SFMBT2: variants seen among roughly 807,000 people sequenced by gnomAD.
The protein encoded by SFMBT2 is scm-like with four MBT domains protein 2.
In SFMBT2, 38 loss-of-function variants were observed where a neutral mutation model predicts 110.1. That is an observed-to-expected ratio of 0.35 (90% confidence interval 0.27 to 0.45). SFMBT2 has a LOEUF of 0.45. SFMBT2 is among the 20% of genes least tolerant of loss of function. The pLI is 1.00. For synonymous variants in SFMBT2, 425 were observed against 425.4 expected (o/e 1.00, Z 0.01); for missense variants, 1,011 against 1,094.9 (o/e 0.92, Z 1.08).
chr10:7,346,708 G>T (rs1335277471), intron 4 of SFMBT2, among the ~76,000 whole-genome samples: 1 of 151,380 alleles, frequency 6.6e-6, no homozygotes, highest in Non-Finnish European at 1.5e-5. Flanking sequence ...GGTGGTGCAC[G>T]CCTGTAATCC....
At chr10:7,403,004 T>A (rs1010711137) in intron 1 of SFMBT2, among the ~76,000 whole-genome samples, 1 of 152,222 alleles carries the variant, frequency 6.6e-6, no homozygotes, top group Non-Finnish European at 1.5e-5. Flanking sequence ...TTGAAACCAA[T>A]TATTTTCTAA....
rs1418901543 is a variant in SFMBT2, at chr10:7,160,349, C to G, written c.*3421G>C. The stretch of plus-strand genomic sequence containing the variant: ...ACAAATACAGTCAAGAAGTGAGGAG[C>G]TGAAACAAGCTCCATGAGTTTAGGG... On this transcript the variant is annotated 3_prime_UTR_variant, in exon 21 of 21. Transcript: ENST00000397167. The G allele has an allele frequency of 6.6e-6, 1 of 152,134 alleles. No homozygotes were observed. The highest frequency in any genetic ancestry group is 1.5e-5 in the Non-Finnish European group (1 of 68,024). 9.4% of individuals were successfully genotyped at this position (152,134 alleles called of 1,614,324 possible).
Position 7,315,315 on chromosome 10 carries a change from C to T in SFMBT2, c.437-29361G>A, listed in dbSNP as rs180761128. Among the ~76,000 whole-genome samples, 8 of 152,318 alleles carry T rather than the reference C, an allele frequency of 5.3e-5. No individual in the cohort carries two copies. In the East Asian group the frequency reaches 1.5e-3, roughly 29 times the overall value. ...GAGTAGAGCAGATGCTATGGGTGGG[C>T]CACATCCCATCCATCGCAGGCCTGT... is the stretch of plus-strand genomic sequence containing the variant. On this transcript the variant is annotated intron_variant, in intron 4 of 20. Transcript: ENST00000397167.
At chr10:7,263,005 A>G (rs537712984) in intron 7 of SFMBT2, among the ~76,000 whole-genome samples, 2 of 152,284 alleles carry the variant, frequency 1.3e-5, no homozygotes, top group South Asian at 4.1e-4. Flanking sequence ...CTGTTTAACA[A>G]ACCTCTTCAA....
At chr10:7,302,678 A>C (rs1176708718) in intron 4 of SFMBT2, among the ~76,000 whole-genome samples, 1 of 152,250 alleles carries the variant, frequency 6.6e-6, no homozygotes, top group Non-Finnish European at 1.5e-5. Flanking sequence ...TCAACATCAT[A>C]AATCAGGTTG....
chr10:7,368,483 G>T (rs1844973336), intron 3 of SFMBT2: 2 of 343,854 alleles, frequency 5.8e-6, no homozygotes, highest in African/African-American at 2.2e-5. Context: ...GAAAGGAGAT[G>T]ACAGACTTAT....
At chr10:7,261,335 C>T (rs947743627) in intron 7 of SFMBT2, among the ~76,000 whole-genome samples, 1 of 152,176 alleles carries the variant, frequency 6.6e-6, no homozygotes, top group African/African-American at 2.4e-5. Flanking sequence ...ATTCCAAAAA[C>T]GTCCTCAAGG....
At chr10:7,337,747 C>G (rs1477893270) in intron 4 of SFMBT2, among the ~76,000 whole-genome samples, 5 of 152,122 alleles carry the variant, frequency 3.3e-5, no homozygotes, top group Non-Finnish European at 7.4e-5. Flanking sequence ...CACAGGCACC[C>G]AAGACCATAA....
intron 9 of SFMBT2, among the ~76,000 whole-genome samples, chr10:7,239,650 C>T (rs1564400252): frequency 1.3e-5 from 2 of 152,128 alleles, no homozygotes; most frequent in Non-Finnish European, 2.9e-5. Context: ...AACCACAGAC[C>T]CTTGTAAAAT....
intron 4 of SFMBT2, among the ~76,000 whole-genome samples, chr10:7,352,733 C>T (rs1035314781): frequency 2.0e-5 from 3 of 152,200 alleles, no homozygotes; most frequent in Non-Finnish European, 4.4e-5. Flanking sequence ...ACACTGGGGC[C>T]GGGCGTGGTG....
intron 7 of SFMBT2, chr10:7,264,062 C>T: frequency 4.1e-6 from 1 of 244,190 alleles, no homozygotes; most frequent in Non-Finnish European, 6.6e-6. Context: ...GCAGCATGAA[C>T]ACTCTTAGTA....
intron 4 of SFMBT2, among the ~76,000 whole-genome samples, chr10:7,305,988 T>C (rs1161884719): frequency 6.6e-6 from 1 of 152,264 alleles, no homozygotes; most frequent in Non-Finnish European, 1.5e-5. Context: ...ACATATTTGA[T>C]ATAGCTCATT....
intron 7 of SFMBT2, among the ~76,000 whole-genome samples, chr10:7,257,123 G>GAGGGGAGGGGAGGGA (rs1288833965): frequency 7.7e-6 from 1 of 129,232 alleles, no homozygotes; most frequent in African/African-American, 2.6e-5. Flanking sequence ...GAGGGGAGGG[G>GAGGGGAGGGGAGGGA]AAAGAAAAGA....
At chr10:7,248,503 A>T in intron 8 of SFMBT2, 45 bp downstream of exon 8, 1 of 1,504,152 alleles carries the variant, frequency 6.6e-7, no homozygotes, top group Non-Finnish European at 9.2e-7. Context: ...GCTTAATTTG[A>T]TCCACTCTAG....
intron 1 of SFMBT2, among the ~76,000 whole-genome samples, chr10:7,387,396 T>C (rs1378206133): frequency 1.3e-5 from 2 of 152,084 alleles, no homozygotes; most frequent in African/African-American, 2.4e-5. Context: ...GGGACAGACA[T>C]ATAAATACCA....
Position 7,386,590 on chromosome 10 carries a change from G to A in SFMBT2, c.-51-4641C>T, listed in dbSNP as rs140173688. Among the ~76,000 whole-genome samples the A allele has an allele frequency of 2.7e-3, 416 of 151,752 alleles. 2 individuals are homozygous for A. The highest frequency in any genetic ancestry group is 9.6e-3 in the African/African-American group (399 of 41,404). On this transcript the variant is annotated intron_variant, in intron 1 of 20. Transcript: ENST00000397167. ...GCCACTGCACTCCAGCCTAGGAGTC[G>A]GAGCAAAAAAAAAAATTCTGTGTAT... is the stretch of plus-strand genomic sequence containing the variant.
chr10:7,335,541 A>G (rs1235000903), intron 4 of SFMBT2, among the ~76,000 whole-genome samples: 1 of 151,724 alleles, frequency 6.6e-6, no homozygotes, highest in Non-Finnish European at 1.5e-5. Context: ...CTCTTTCTCA[A>G]AAAAGTAACA....
intron 20 of SFMBT2, among the ~76,000 whole-genome samples, chr10:7,168,661 G>C (rs1270335542): frequency 6.6e-6 from 1 of 152,222 alleles, no homozygotes; most frequent in Non-Finnish European, 1.5e-5. Flanking sequence ...TGCCAGACAG[G>C]CAACGTGCTG....
At chr10:7,189,302 T>C in intron 15 of SFMBT2, 2 of 422,996 alleles carry the variant, frequency 4.7e-6, no homozygotes, top group Non-Finnish European at 6.3e-6. Flanking sequence ...GTCTGGAATA[T>C]CCAGCGCCAT....
Sources: allele counts gnomAD v4.1 joint callset (sites outside exome capture counted in the v4.1 genomes callset), GRCh38; gene constraint gnomAD v4.1.1; transcripts MANE v1.5; gene names NCBI Gene and HGNC (gene_info 2026-07-23, HGNC 2026-07-21).